ERC2: variants seen among roughly 807,000 people sequenced by gnomAD.
ERC2 encodes ERC protein 2.
ERC2 carries 42 observed loss-of-function variants against 114.8 expected under a neutral mutation model. The ratio of observed to expected loss-of-function variants is 0.37; its 90% CI spans 0.29 to 0.47. ERC2 has a LOEUF of 0.47. Ranked by LOEUF, ERC2 falls within the 20% of genes least tolerant of loss-of-function variation. The probability of loss-of-function intolerance (pLI) is 0.99; values close to 1 mark genes in which losing one functional copy is unlikely to be tolerated. For missense variants in ERC2, 939 were observed against 1,150.7 expected (o/e 0.82, Z 2.66); for synonymous variants, 454 against 425.5 (o/e 1.07, Z -0.82).
At chr3:55,708,133 C>T (rs938704553) in intron 15 of ERC2, among the ~76,000 whole-genome samples, 2 of 152,180 alleles carry the variant, frequency 1.3e-5, no homozygotes, top group Non-Finnish European at 2.9e-5. Flanking sequence ...CCTCTGAAAA[C>T]GATGGAACTC....
rs73083359 is a variant in ERC2 at position 55,920,687 on chromosome 3, A to C, written c.2403+29738T>G. 8.6e-3 allele frequency among the ~76,000 whole-genome samples: 1,302 copies of C among 152,218 alleles called. 7 individuals are homozygous for C. Among genetic ancestry groups the C allele is most frequent in the Non-Finnish European group, 0.014 (952 of 68,010 alleles). On this transcript the variant is annotated intron_variant, in intron 13 of 17. Coordinates refer to ENST00000288221, the MANE Select transcript of ERC2 (RefSeq NM_015576.3). ...TTTATCTGCTTCTAATACAATTTTA[A>C]AGAAGGATTTGAATGTAAAATTCAT...
At chr3:55,827,299 GAGAA>G (rs148957184) in intron 14 of ERC2, among the ~76,000 whole-genome samples, 6,372 of 150,568 alleles carry the variant, frequency 0.042, 244 homozygotes, top group African/African-American at 0.085. Context: ...AAAAAAGGAA[GAGAA>G]AGAAAGAAAG....
At chr3:56,436,741 G>T (rs1193555908) in intron 1 of ERC2, among the ~76,000 whole-genome samples, 1 of 152,216 alleles carries the variant, frequency 6.6e-6, no homozygotes, top group Non-Finnish European at 1.5e-5. Flanking sequence ...ACTCTAGTTG[G>T]AACAGCTGGG....
intron 17 of ERC2, among the ~76,000 whole-genome samples, chr3:55,589,590 G>A (rs1198289105): frequency 6.6e-6 from 1 of 152,170 alleles, no homozygotes; most frequent in African/African-American, 2.4e-5. Context: ...AGGCCTCCAT[G>A]AGGAGTCCTT....
intron 6 of ERC2, among the ~76,000 whole-genome samples, chr3:56,102,616 A>G (rs1306819929): frequency 6.6e-6 from 1 of 152,216 alleles, no homozygotes; most frequent in East Asian, 1.9e-4. Context: ...GAAAAGGTTT[A>G]CTTAGGAATA....
At position 56,406,510 on chromosome 3, in the gene ERC2, G is replaced by A. The variant is rs75549463; in HGVS notation, c.657+27841C>T. ...GCTGGCTTCATGGGCATGGCCTGTG[G>A]AGCACACAGGGCCCAGACTTAGAAG... On this transcript the variant is annotated intron_variant, in intron 2 of 17. Coordinates refer to ENST00000288221, the MANE Select transcript of ERC2 (RefSeq NM_015576.3). Among the ~76,000 whole-genome samples, 782 of 152,304 alleles carry A rather than the reference G, an allele frequency of 5.1e-3. 1 individual carries two copies. Among genetic ancestry groups the A allele is most frequent in the Middle Eastern group, 0.017 (5 of 294 alleles).
intron 2 of ERC2, among the ~76,000 whole-genome samples, chr3:56,392,817 T>C (rs2060176816): frequency 6.6e-6 from 1 of 152,132 alleles, no homozygotes; most frequent in African/African-American, 2.4e-5. Context: ...CTAACCCTCT[T>C]CTTCATCCTC....
At chr3:55,531,970 G>GCCTT (rs1327261000) in intron 17 of ERC2, among the ~76,000 whole-genome samples, 1 of 152,182 alleles carries the variant, frequency 6.6e-6, no homozygotes, top group Non-Finnish European at 1.5e-5. Flanking sequence ...AAAACTCAAG[G>GCCTT]AACTGTCCTC....
At chr3:56,439,332 C>T (rs1480748778) in intron 1 of ERC2, among the ~76,000 whole-genome samples, 1 of 152,124 alleles carries the variant, frequency 6.6e-6, no homozygotes, top group African/African-American at 2.4e-5. Context: ...GCAGTCCCAG[C>T]TACTTGGGGA....
At chr3:56,139,377 C>T (rs933814499) in intron 6 of ERC2, 132 bp downstream of exon 6, 2 of 861,362 alleles carry the variant, frequency 2.3e-6, no homozygotes, top group Non-Finnish European at 1.7e-6. Context: ...GAAAGCCCAA[C>T]AAATATGAAT....
At chr3:55,723,783 G>A (rs2064734181) in intron 15 of ERC2, among the ~76,000 whole-genome samples, 1 of 152,172 alleles carries the variant, frequency 6.6e-6, no homozygotes, top group African/African-American at 2.4e-5. Flanking sequence ...CACCACAATG[G>A]TGATCAATGA....
chr3:56,008,522 A>G (rs1349795815), intron 9 of ERC2, among the ~76,000 whole-genome samples: 2 of 152,198 alleles, frequency 1.3e-5, no homozygotes, highest in South Asian at 2.1e-4. Flanking sequence ...CATGGTGAAG[A>G]CATATCTTCA....
At chr3:55,768,742 T>C (rs2067992785) in intron 14 of ERC2, among the ~76,000 whole-genome samples, 1 of 152,108 alleles carries the variant, frequency 6.6e-6, no homozygotes, top group Non-Finnish European at 1.5e-5. Flanking sequence ...GGGCCGGAGC[T>C]TAGGAAGACA....
intron 17 of ERC2, among the ~76,000 whole-genome samples, chr3:55,528,972 G>A (rs1356533406): frequency 1.3e-5 from 2 of 152,188 alleles, no homozygotes; most frequent in Non-Finnish European, 2.9e-5. Context: ...TGAAGACAGT[G>A]GATCTCAGAG....
At chr3:56,122,547 T>C (rs554256213) in intron 6 of ERC2, among the ~76,000 whole-genome samples, 1 of 152,282 alleles carries the variant, frequency 6.6e-6, no homozygotes, top group South Asian at 2.1e-4. Flanking sequence ...TCCAAAGAAG[T>C]GTTCTCCACT....
At position 55,656,126 on chromosome 3, in the gene ERC2, T is replaced by TTTATTTATTTA. The variant is rs1299736816; in HGVS notation, c.*39+27667_*39+27668insTAAATAAATAA. 3.7e-4 allele frequency among the ~76,000 whole-genome samples: 36 copies of TTTATTTATTTA among 97,240 alleles called. 1 individual carries two copies. In the East Asian group the frequency reaches 0.011, roughly 30 times the overall value. The allele number at this position is 97,240 out of a possible 152,430, so 63.8% of individuals were successfully genotyped here. A position where few individuals can be genotyped will look rare whatever the true frequency, so the allele number is the denominator to read the frequency against. On this transcript the variant is annotated intron_variant, in intron 17 of 17. Transcript: ENST00000288221. Reference sequence around the variant, plus strand: ...TATTTATTTATTTATTTATTTATTTTTCTGAGTTTTGATTTAAAGAATTTT... The same window carrying TTTATTTATTTA: ...TATTTATTTATTTATTTATTTATTTTTTATTTATTTATCTGAGTTTTGATTTAAAGAATTTT...
chr3:55,941,859 G>A (rs1366887453), intron 13 of ERC2, among the ~76,000 whole-genome samples: 1 of 152,184 alleles, frequency 6.6e-6, no homozygotes, highest in South Asian at 2.1e-4. Context: ...CTCCACCACC[G>A]ATTTACTACT....
At chr3:55,516,667 G>A (rs1218812741) in intron 17 of ERC2, among the ~76,000 whole-genome samples, 1 of 152,110 alleles carries the variant, frequency 6.6e-6, no homozygotes, top group African/African-American at 2.4e-5. Flanking sequence ...TCTGTGCACG[G>A]GGTATAACTC....
At chr3:55,955,089 A>T in intron 12 of ERC2, 1 of 492,822 alleles carries the variant, frequency 2.0e-6, no homozygotes, top group Non-Finnish European at 4.1e-6. Context: ...ATTTATGTTA[A>T]AATAGGAATG....
Sources: allele counts gnomAD v4.1 joint callset (sites outside exome capture counted in the v4.1 genomes callset), GRCh38; gene constraint gnomAD v4.1.1; transcripts MANE v1.5; gene names NCBI Gene and HGNC (gene_info 2026-07-23, HGNC 2026-07-21).